The following C1QTNF2 variants were observed in gnomAD, a reference collection of about 807,000 sequenced individuals.
C1QTNF2 encodes complement C1q tumor necrosis factor-related protein 2.
In C1QTNF2, 15 loss-of-function variants were observed where a neutral mutation model predicts 17.4. The ratio of observed to expected loss-of-function variants is 0.86; its 90% CI spans 0.58 to 1.33. C1QTNF2 has a LOEUF of 1.33. Among genes scored for constraint, C1QTNF2 ranks in the 40% most tolerant of loss-of-function variants. C1QTNF2 has a pLI of 0.00. For missense variants in C1QTNF2, 381 were observed against 392.3 expected (o/e 0.97, Z 0.24); for synonymous variants, 154 against 163.3 (o/e 0.94, Z 0.44).
At chr5:160,354,104 T>C (rs1237939300) in intron 2 of C1QTNF2, among the ~76,000 whole-genome samples, 1 of 152,096 alleles carries the variant, frequency 6.6e-6, no homozygotes, top group Non-Finnish European at 1.5e-5. Context: ...GCGCCTGGCC[T>C]GATGTCTCAG....
chr5:160,351,910 CTTTTTTT>C (rs749184955), intron 2 of C1QTNF2, among the ~76,000 whole-genome samples: 2 of 136,092 alleles, frequency 1.5e-5, no homozygotes, highest in African/African-American at 2.7e-5. Flanking sequence ...GAGACAGAAT[CTTTTTTT>C]TTTTTTTTTT....
At chr5:160,353,564 G>A (rs993107767) in intron 2 of C1QTNF2, among the ~76,000 whole-genome samples, 5 of 152,124 alleles carry the variant, frequency 3.3e-5, no homozygotes, top group African/African-American at 1.2e-4. Context: ...CCTTGGTCAA[G>A]GGAATTGGTC....
chr5:160,354,883 G>A lies in C1QTNF2; in HGVS notation c.129C>T (p.Gly43=), dbSNP rs1250817029. ...QLVCSLPGPQ[G]PPGPPGAPGP... is the part of the protein sequence containing the mutation. The stretch of plus-strand genomic sequence containing the variant: ...CTGGGGCTCCTGGGGGGCCGGGTGG[G>A]CCCTGGGGGCCAGGCAGGCTGCAGA... Residue 43 remains glycine, a synonymous_variant, in exon 2 of 3, where the codon GGC becomes GGT. Transcript: ENST00000652664. The A allele has an allele frequency of 6.2e-7, 1 of 1,605,914 alleles. No individual in the cohort carries two copies. The highest frequency in any genetic ancestry group is 1.3e-5 in the African/African-American group (1 of 74,828).
At chr5:160,357,901 G>T (rs140549588) in intron 1 of C1QTNF2, among the ~76,000 whole-genome samples, 1 of 152,158 alleles carries the variant, frequency 6.6e-6, no homozygotes, top group Non-Finnish European at 1.5e-5. Flanking sequence ...CCAGCCGGAC[G>T]AGAGAGAGGG....
At chr5:160,363,224 T>C (rs556715503) in intron 1 of C1QTNF2, among the ~76,000 whole-genome samples, 1 of 152,168 alleles carries the variant, frequency 6.6e-6, no homozygotes, top group Admixed American at 6.5e-5. Flanking sequence ...TTCCAGGAAG[T>C]AAATTGGAAA....
chr5:160,370,414 TTC>T (rs1764332688), intron 1 of C1QTNF2, 96 bp downstream of exon 1: 1 of 1,346,736 alleles, frequency 7.4e-7, no homozygotes, highest in Non-Finnish European at 9.5e-7. Context: ...CTCTCCCACC[TTC>T]CGCATCCCGC....
At position 160,361,127 on chromosome 5, in the gene C1QTNF2, C is replaced by T. The variant is rs556238208; in HGVS notation, c.-9-6107G>A. ...AGTTCTTAAGTCTGGCTTTCAGCTG[C>T]CCAGTCCCTGGGCTTCTCATCTCTC... On this transcript the variant is annotated intron_variant, in intron 1 of 2. Coordinates refer to ENST00000652664, the MANE Select transcript of C1QTNF2 (RefSeq NM_031908.6). Among the ~76,000 whole-genome samples, 38 of 152,276 alleles carry T rather than the reference C, an allele frequency of 2.5e-4. No homozygotes were observed. In the South Asian group the frequency reaches 6.2e-3, roughly 25 times the overall value.
intron 1 of C1QTNF2, among the ~76,000 whole-genome samples, chr5:160,359,508 A>C (rs1240092897): frequency 6.6e-6 from 1 of 152,234 alleles, no homozygotes; most frequent in Non-Finnish European, 1.5e-5. Flanking sequence ...CCAAAACCAC[A>C]CACAGCCATA....
At chr5:160,353,763 G>A (rs150774066) in intron 2 of C1QTNF2, among the ~76,000 whole-genome samples, 272 of 145,434 alleles carry the variant, frequency 1.9e-3, no homozygotes, top group African/African-American at 5.8e-3. Flanking sequence ...GCTATTCCTG[G>A]AGCTTGGCTC....
Position 160,370,531 on chromosome 5 carries a change from G to A in C1QTNF2, c.-29C>T. ...ACTCACCCTCGCGGCTGCCCGCCAC[G>A]TCCAGGGGCGTCCGGAGCAAAGAAG... On this transcript the variant is annotated 5_prime_UTR_variant, in exon 1 of 3. The change creates a new upstream start codon in the 5' untranslated region. Transcript: ENST00000652664. The A allele has an allele frequency of 6.7e-7, 1 of 1,489,026 alleles. No homozygotes were observed. Among genetic ancestry groups the A allele is most frequent in the Non-Finnish European group, 8.9e-7 (1 of 1,128,934 alleles). The allele number at this position is 1,489,026 out of a possible 1,614,324, so 92.2% of individuals were successfully genotyped here. A position where few individuals can be genotyped will look rare whatever the true frequency, so the allele number is the denominator to read the frequency against.
intron 2 of C1QTNF2, among the ~76,000 whole-genome samples, 170 bp downstream of exon 2, chr5:160,354,598 G>C (rs901046502): frequency 4.2e-4 from 13 of 30,886 alleles, no homozygotes; most frequent in African/African-American, 1.5e-3. Context: ...AAAAAAAAAA[G>C]TATATATATA....
At chr5:160,352,391 C>A (rs756851196) in intron 2 of C1QTNF2, among the ~76,000 whole-genome samples, 1 of 152,094 alleles carries the variant, frequency 6.6e-6, no homozygotes, top group Non-Finnish European at 1.5e-5. Flanking sequence ...GTGGTGATGG[C>A]GGGTGGTTGG....
In C1QTNF2 at chr5:160,349,534, C is replaced by T. The variant is rs1249096200; in HGVS notation, c.492G>A (p.Arg164=). 4 of 1,613,940 alleles carry T rather than the reference C, an allele frequency of 2.5e-6. No homozygotes were observed. In the South Asian group the frequency reaches 4.4e-5, roughly 18 times the overall value. ...GAATCTTGTCAAACTTGATGGGCAGCCGCTCCCGTGGGTAGCTCTTGGTCA... is the reference window on the plus strand; with the variant it reads ...GAATCTTGTCAAACTTGATGGGCAGTCGCTCCCGTGGGTAGCTCTTGGTCA... ...VAVTKSYPRE[R]LPIKFDKILM... is the part of the protein sequence containing the mutation. The change falls in exon 3 of 3, where the codon CGG becomes CGA. Residue 164 remains arginine, a synonymous_variant. Transcript: ENST00000652664. This position sits in a 1 kb window ranked among gnomAD's most constrained non-coding sequence, Gnocchi z 4.3.
intron 2 of C1QTNF2, among the ~76,000 whole-genome samples, 159 bp downstream of exon 2, chr5:160,354,592 AAAAAAGTATATATATAT>A: frequency 2.2e-5 from 1 of 46,464 alleles, no homozygotes; most frequent in East Asian, 7.9e-4. Context: ...GGGAAAAAAA[AAAAAAGTATATATATAT>A]ATATATATAT....
Position 160,368,991 on chromosome 5 carries a change from C to T in C1QTNF2, c.-10+1521G>A, listed in dbSNP as rs376324715. ...TGTATATGCAGATATGAAAACATGGCGAAGACACACTGTTAAGTGAAAAAA... is the reference window on the plus strand; with the variant it reads ...TGTATATGCAGATATGAAAACATGGTGAAGACACACTGTTAAGTGAAAAAA... On this transcript the variant is annotated intron_variant, in intron 1 of 2. Coordinates refer to ENST00000652664, the MANE Select transcript of C1QTNF2 (RefSeq NM_031908.6). Among the ~76,000 whole-genome samples the T allele has an allele frequency of 6.6e-5, 10 of 151,044 alleles. No individual in the cohort carries two copies. In the East Asian group the frequency reaches 7.8e-4, roughly 12 times the overall value.
chr5:160,355,269 C>G (rs1764027883), intron 1 of C1QTNF2: 1 of 984,742 alleles, frequency 1.0e-6, no homozygotes, highest in Non-Finnish European at 1.2e-6. Context: ...AGGCATTCAT[C>G]ATCAGACCAT....
At position 160,370,496 on chromosome 5, in the gene C1QTNF2, G is replaced by A. The variant is rs1764334569; in HGVS notation, c.-10+16C>T. The stretch of plus-strand genomic sequence containing the variant: ...GCACTTGCCGCCCCCGCCCGACCGC[G>A]GTGCGGGACACTCACCCTCGCGGCT... On this transcript the variant is annotated intron_variant, in intron 1 of 2. Coordinates refer to ENST00000652664, the MANE Select transcript of C1QTNF2 (RefSeq NM_031908.6). 1 of 1,435,304 alleles carries A rather than the reference G, an allele frequency of 7.0e-7. No individual in the cohort carries two copies. Among genetic ancestry groups the A allele is most frequent in the Non-Finnish European group, 9.1e-7 (1 of 1,100,926 alleles). The allele number at this position is 1,435,304 out of a possible 1,614,324, so 88.9% of individuals were successfully genotyped here.
At chr5:160,354,370 G>A (rs1763986588) in intron 2 of C1QTNF2, among the ~76,000 whole-genome samples, 2 of 151,706 alleles carry the variant, frequency 1.3e-5, no homozygotes, top group African/African-American at 4.8e-5. Context: ...TTGAGGTCAG[G>A]AGTTTGAGAC....
Position 160,349,703 on chromosome 5 carries a change from C to T in C1QTNF2, c.323G>A (p.Arg108His), listed in dbSNP as rs537950953. 5.3e-5 allele frequency: 84 copies of T among 1,592,938 alleles called. No homozygotes were observed. The East Asian group carries it at 1.3e-3, about 24-fold the overall frequency. ...GGTACCGTTGACCCCCTTGGGGCCA[C>T]GGGGGCCAGCCCGCCCAATGGCCCC... The part of the protein sequence containing the change: ...KAGAIGRAGP[R>H]GPKGVNGTPG... Residue 108 changes from arginine (R) to histidine (H), a missense_variant, in exon 3 of 3, where the codon CGT (arginine) becomes CAT (histidine). By Grantham distance (29) the Arg-to-His change is conservative. Transcript: ENST00000652664. This position sits in a 1 kb window ranked among gnomAD's most constrained non-coding sequence, Gnocchi z 4.3.
Sources: gnomAD v4.1 joint callset for allele counts (sites outside exome capture counted in the v4.1 genomes callset) on GRCh38, gnomAD v4.1.1 for gene constraint, Gnocchi (gnomAD v3.1) non-coding constraint, MANE v1.5 for transcripts, NCBI Gene and HGNC (gene_info 2026-07-23, HGNC 2026-07-21) for gene names.